Variants in ATOH8 observed in about 807,000 individuals in gnomAD.
The protein encoded by ATOH8 is atonal bHLH transcription factor 8.
ATOH8 carries 9 observed loss-of-function variants against 21.2 expected under a neutral mutation model. That is an observed-to-expected ratio of 0.42 (90% CI 0.26 to 0.74). The LOEUF (loss-of-function observed/expected upper bound fraction) is 0.74. Ranked by LOEUF, ATOH8 falls within the 30% of genes least tolerant of loss-of-function variation. The pLI, the probability that ATOH8 is intolerant of heterozygous loss-of-function variation, is 0.24. For missense variants in ATOH8, 524 were observed against 470.9 expected, an observed-to-expected ratio of 1.11 and a Z score of -1.04; for synonymous variants, 253 against 224.0, an observed-to-expected ratio of 1.13 and a Z score of -1.16.
intron 2 of ATOH8, among the ~76,000 whole-genome samples, chr2:85,777,255 G>A (rs1680353992): frequency 6.6e-6 from 1 of 152,184 alleles, no homozygotes; most frequent in Non-Finnish European, 1.5e-5. Context: ...GGAGCCCACT[G>A]CACTTAGCCT....
Position 85,754,853 on chromosome 2 carries a change from T to A in ATOH8, c.664T>A (p.Ser222Thr), listed in dbSNP as rs1679635070. 1.2e-6 allele frequency: 2 copies of A among 1,612,236 alleles called. No homozygotes were observed. Among genetic ancestry groups the A allele is most frequent in the Admixed American group, 1.7e-5 (1 of 59,998 alleles). ...KRPGEATAAS[S>T]EIKALQQTRR... ...ACCGGGCGAAGCGACTGCCGCCTCC[T>A]CCGAGATCAAAGCCCTGCAGCAGAC... The change falls in exon 1 of 3, where the codon TCC (serine) becomes ACC (threonine). Residue 222 changes from serine to threonine, a missense_variant. Ser to Thr is a moderately conservative substitution (Grantham distance 58). Transcript: ENST00000306279.
At chr2:85,772,749 G>A in intron 2 of ATOH8, 1 of 456,964 alleles carries the variant, frequency 2.2e-6, no homozygotes, top group South Asian at 1.5e-5. Context: ...GTAAAAGTTG[G>A]CGGCTGGAAT....
intron 2 of ATOH8, among the ~76,000 whole-genome samples, chr2:85,778,061 G>A (rs1311566891): frequency 1.3e-5 from 2 of 152,244 alleles, no homozygotes; most frequent in African/African-American, 4.8e-5. Context: ...TAAGCACTGA[G>A]TGCTTGGCTT....
intron 2 of ATOH8, among the ~76,000 whole-genome samples, chr2:85,782,474 G>T (rs1185459038): frequency 6.6e-6 from 1 of 151,700 alleles, no homozygotes; most frequent in Non-Finnish European, 1.5e-5. Context: ...TTTTTAAACT[G>T]GAAACGAACA....
chr2:85,771,024 T>C (rs1486974412), intron 2 of ATOH8, among the ~76,000 whole-genome samples: 1 of 152,040 alleles, frequency 6.6e-6, no homozygotes, highest in Non-Finnish European at 1.5e-5. Context: ...TGAGCCAAGA[T>C]TCCCCTCTGG....
chr2:85,767,314 T>G (rs114694969), intron 2 of ATOH8, among the ~76,000 whole-genome samples: 2,219 of 151,990 alleles, frequency 0.015, 62 homozygotes, highest in African/African-American at 0.051. Context: ...GGTTATGAGT[T>G]TTTGGGAAGA....
rs1679611257 is a variant in ATOH8 at position 85,754,535 on chromosome 2, G to T, written c.346G>T (p.Ala116Ser). 7.0e-7 allele frequency: 1 copy of T among 1,430,216 alleles called. No individual in the cohort carries two copies. The highest frequency in any genetic ancestry group is 9.1e-7 in the Non-Finnish European group (1 of 1,103,562). The allele number at this position is 1,430,216 out of a possible 1,614,324, so 88.6% of individuals were successfully genotyped here. Reference sequence around the variant, plus strand: ...GCGGAAACGCTGCTTCGCCCTAGGCGCAGTGGGGCCAGGACTCCCCACGCC... The same window carrying T: ...GCGGAAACGCTGCTTCGCCCTAGGCTCAGTGGGGCCAGGACTCCCCACGCC... Reference protein sequence around the residue: ...DARKRCFALGAVGPGLPTPPP... With the variant: ...DARKRCFALGSVGPGLPTPPP... The change falls in exon 1 of 3, where the codon GCA becomes TCA. Residue 116 changes from alanine to serine, a missense_variant. Physicochemically the swap from Ala to Ser is moderately conservative, Grantham distance 99. Transcript: ENST00000306279.
At chr2:85,755,338 C>T (rs1338060992) in intron 1 of ATOH8, among the ~76,000 whole-genome samples, 1 of 152,144 alleles carries the variant, frequency 6.6e-6, no homozygotes, top group African/African-American at 2.4e-5. Context: ...GGGGAGCCTT[C>T]TCCAGTTGGT....
chr2:85,765,261 C>T (rs1412491175), intron 2 of ATOH8, among the ~76,000 whole-genome samples: 1 of 152,218 alleles, frequency 6.6e-6, no homozygotes, highest in Non-Finnish European at 1.5e-5. Flanking sequence ...TCCTTCCTGG[C>T]CTGCCCCTCC....
intron 2 of ATOH8, among the ~76,000 whole-genome samples, chr2:85,784,201 G>T (rs1680568809): frequency 6.6e-6 from 1 of 152,136 alleles, no homozygotes; most frequent in Non-Finnish European, 1.5e-5. Flanking sequence ...TTTCCTGGAG[G>T]GTTGAAGTGA....
intron 1 of ATOH8, 66 bp from the exon 2 acceptor site, chr2:85,763,925 G>A (rs981555480): frequency 9.4e-5 from 142 of 1,508,308 alleles, no homozygotes; most frequent in Middle Eastern, 5.1e-4. Flanking sequence ...TAGACAGGCC[G>A]TCTCCCATGC....
chr2:85,767,139 G>A (rs527989587), intron 2 of ATOH8, among the ~76,000 whole-genome samples: 19 of 282 alleles, frequency 0.067, no homozygotes, highest in South Asian at 0.45. Flanking sequence ...TATTTTCTTC[G>A]TTTTGTGCCT....
chr2:85,767,482 C>G (rs1174769297), intron 2 of ATOH8, among the ~76,000 whole-genome samples: 1 of 151,424 alleles, frequency 6.6e-6, no homozygotes, highest in African/African-American at 2.4e-5. Flanking sequence ...TTGTCTACCC[C>G]CGCTCAACAG....
rs1023238067 is a variant in ATOH8 at position 85,790,493 on chromosome 2, A to G, written c.*3603A>G. ...GAGACTATCCCAGAAGAGAGGGTTAAATTCTGGAGGTGAGGTTTTGAGCAA... is the reference window on the plus strand; with the variant it reads ...GAGACTATCCCAGAAGAGAGGGTTAGATTCTGGAGGTGAGGTTTTGAGCAA... On this transcript the variant is annotated 3_prime_UTR_variant, in exon 3 of 3. Coordinates refer to ENST00000306279, the MANE Select transcript of ATOH8 (RefSeq NM_032827.7). 2.0e-5 allele frequency among the ~76,000 whole-genome samples: 3 copies of G among 152,154 alleles called. No individual in the cohort carries two copies. The highest frequency in any genetic ancestry group is 4.4e-5 in the Non-Finnish European group (3 of 68,006).
chr2:85,773,830 T>TG (rs1680256548), intron 2 of ATOH8: 1 of 152,740 alleles, frequency 6.5e-6, no homozygotes, highest in Non-Finnish European at 1.5e-5. Context: ...ATGGCAGCTC[T>TG]GGCAGGACCA....
chr2:85,772,836 G>A (rs1278634268), intron 2 of ATOH8: 1 of 455,420 alleles, frequency 2.2e-6, no homozygotes, highest in Non-Finnish European at 4.4e-6. Flanking sequence ...TTCTTTTAAT[G>A]TTGTTTCTTC....
In ATOH8 at chr2:85,754,022, A is replaced by G; in HGVS notation, c.-168A>G. 2.8e-6 allele frequency: 2 copies of G among 711,420 alleles called. No individual in the cohort carries two copies. Among genetic ancestry groups the G allele is most frequent in the East Asian group, 6.9e-5 (2 of 28,918 alleles). The allele number at this position is 711,420 out of a possible 1,614,324, so 44.1% of individuals were successfully genotyped here. On this transcript the variant is annotated 5_prime_UTR_variant, in exon 1 of 3. Coordinates refer to ENST00000306279, the MANE Select transcript of ATOH8 (RefSeq NM_032827.7). ...CACTCTGAGCGCTCCGGGAACGGAC[A>G]GCCCGGCGGCTTCCCGAAGCCGGCG...
chr2:85,768,657 C>T (rs1031127174), intron 2 of ATOH8, among the ~76,000 whole-genome samples: 5 of 152,172 alleles, frequency 3.3e-5, no homozygotes, highest in South Asian at 4.1e-4. Context: ...CCTCGCACCC[C>T]GAGGAGCTGC....
intron 1 of ATOH8, among the ~76,000 whole-genome samples, chr2:85,760,266 G>A (rs941303367): frequency 7.2e-5 from 11 of 152,224 alleles, no homozygotes; most frequent in Admixed American, 5.2e-4. Flanking sequence ...GCAGTCTGTC[G>A]GGAGTGGGAG....
Sources: allele counts gnomAD v4.1 joint callset (sites outside exome capture counted in the v4.1 genomes callset), GRCh38; gene constraint gnomAD v4.1.1; transcripts MANE v1.5; gene names NCBI Gene and HGNC (gene_info 2026-07-23, HGNC 2026-07-21).